The following NFIC variants were observed in gnomAD, a reference collection of about 807,000 sequenced individuals.
The protein encoded by NFIC is nuclear factor I C.
Under a neutral mutation model 54.4 loss-of-function variants are expected in NFIC, and 12 were observed. The ratio of observed to expected loss-of-function variants is 0.22; its 90% CI spans 0.14 to 0.36. The LOEUF is 0.36. Ranked by LOEUF, NFIC falls within the 10% of genes least tolerant of loss-of-function variation. The probability of loss-of-function intolerance (pLI) is 1.00; values close to 1 mark genes in which losing one functional copy is unlikely to be tolerated. For missense variants in NFIC, 575 were observed against 718.2 expected (o/e 0.80, Z 2.28); for synonymous variants, 322 against 319.2 (o/e 1.01, Z -0.09).
intron 2 of NFIC, among the ~76,000 whole-genome samples, chr19:3,395,285 G>A (rs561179662): frequency 6.6e-6 from 1 of 152,082 alleles, no homozygotes; most frequent in South Asian, 2.1e-4. Flanking sequence ...CTTCAATCCG[G>A]GAGGCAGAGG....
In NFIC at chr19:3,462,993, G is replaced by T. The variant is rs369618261; in HGVS notation, c.*224G>T. ...GAAGAAGAAATAAAAACCCACCCAA[G>T]CAAGAAGACAAAAGGTAAAGACGCA... On this transcript the variant is annotated 3_prime_UTR_variant, in exon 11 of 11. Transcript: ENST00000443272. 63 of 1,402,388 alleles carry T rather than the reference G, an allele frequency of 4.5e-5. No individual in the cohort carries two copies. Among genetic ancestry groups the T allele is most frequent in the Non-Finnish European group, 1.7e-5 (18 of 1,084,662 alleles). The allele number at this position is 1,402,388 out of a possible 1,614,324, so 86.9% of individuals were successfully genotyped here.
At chr19:3,407,566 C>G (rs2145558930) in intron 2 of NFIC, among the ~76,000 whole-genome samples, 1 of 152,244 alleles carries the variant, frequency 6.6e-6, no homozygotes. Context: ...TCCTGAGCAT[C>G]TGGGATTACA....
chr19:3,441,247 C>T (rs1246659052), intron 6 of NFIC, among the ~76,000 whole-genome samples: 2 of 152,256 alleles, frequency 1.3e-5, no homozygotes, highest in Non-Finnish European at 1.5e-5. Flanking sequence ...GTCACCCCAG[C>T]GGCAAGCGGG....
chr19:3,435,809 GTCTTTCTT>G (rs10567490), intron 6 of NFIC, among the ~76,000 whole-genome samples: 9,669 of 147,632 alleles, frequency 0.065, 432 homozygotes, highest in Non-Finnish European at 0.082. Context: ...TCTCTGGGGT[GTCTTTCTT>G]TCTTTCTTTC....
At chr19:3,395,924 G>A (rs1016699946) in intron 2 of NFIC, among the ~76,000 whole-genome samples, 9 of 151,976 alleles carry the variant, frequency 5.9e-5, no homozygotes, top group Non-Finnish European at 1.0e-4. Flanking sequence ...GGGTCCCAAA[G>A]TGCTGGGATG....
At chr19:3,360,898 T>C (rs896153531) in intron 1 of NFIC, among the ~76,000 whole-genome samples, 12 of 152,110 alleles carry the variant, frequency 7.9e-5, no homozygotes, top group Non-Finnish European at 1.6e-4. Context: ...CAGGGGACAG[T>C]TGGGTGCCGC....
At chr19:3,365,006 C>G (rs1171395849), upstream of NFIC, among the ~76,000 whole-genome samples, 1 of 152,146 alleles carries the variant, frequency 6.6e-6, no homozygotes, top group East Asian at 1.9e-4. Flanking sequence ...ATGGACCGTT[C>G]GTGATGTACT....
intron 2 of NFIC, among the ~76,000 whole-genome samples, chr19:3,412,854 C>T (rs1466664614): frequency 6.6e-6 from 1 of 152,168 alleles, no homozygotes; most frequent in African/African-American, 2.4e-5. Context: ...ATTTCTCTGG[C>T]CTGGCTGAGC....
At chr19:3,404,189 T>TG (rs1334286517) in intron 2 of NFIC, among the ~76,000 whole-genome samples, 1 of 144,014 alleles carries the variant, frequency 6.9e-6, no homozygotes, top group African/African-American at 2.6e-5. Context: ...GTGTTGGGGG[T>TG]GGGGGTGTGG....
intron 7 of NFIC, among the ~76,000 whole-genome samples, chr19:3,450,794 C>T (rs1327923876): frequency 1.3e-5 from 2 of 152,248 alleles, no homozygotes; most frequent in Non-Finnish European, 2.9e-5. Flanking sequence ...TTTACACAGT[C>T]ATGCACACAG....
chr19:3,413,307 C>T (rs2081795225), intron 2 of NFIC, among the ~76,000 whole-genome samples: 1 of 152,086 alleles, frequency 6.6e-6, no homozygotes, highest in South Asian at 2.1e-4. Flanking sequence ...TCATCCCAAA[C>T]CGCCAATGAG....
At chr19:3,456,486 C>A in intron 9 of NFIC, 64 bp from the exon 10 acceptor site, 1 of 1,504,848 alleles carries the variant, frequency 6.6e-7, no homozygotes, top group South Asian at 1.2e-5. Context: ...CTCTCTGGGG[C>A]CAGGGCCGCC....
intron 2 of NFIC, among the ~76,000 whole-genome samples, chr19:3,420,730 C>T (rs2081941191): frequency 6.9e-6 from 1 of 145,590 alleles, no homozygotes; most frequent in Admixed American, 6.9e-5. Context: ...CATTCATCAC[C>T]TTTTTTTTTT....
chr19:3,382,992 T>C (rs2081238059), intron 2 of NFIC, among the ~76,000 whole-genome samples: 1 of 150,052 alleles, frequency 6.7e-6, no homozygotes, highest in African/African-American at 2.5e-5. Context: ...AGAGGCAGGA[T>C]CTCACCCTCA....
Position 3,463,536 on chromosome 19 carries a change from G to A in NFIC, c.*767G>A, listed in dbSNP as rs2082671945. The A allele has an allele frequency of 2.0e-6, 2 of 984,224 alleles. No homozygotes were observed. Among genetic ancestry groups the A allele is most frequent in the African/African-American group, 1.8e-5 (1 of 56,844 alleles). The allele number at this position is 984,224 out of a possible 1,614,324, so 61.0% of individuals were successfully genotyped here. On this transcript the variant is annotated 3_prime_UTR_variant, in exon 11 of 11. Coordinates refer to ENST00000443272, the MANE Select transcript of NFIC (RefSeq NM_001245002.2). ...CCCCACAAGCCCCTCCCAAAGCGCC[G>A]GCCGACTCGCTGTCTCGCTGGGGAC...
intron 2 of NFIC, among the ~76,000 whole-genome samples, chr19:3,384,049 G>GT (rs72250156): frequency 0.014 from 1,917 of 132,752 alleles, 24 homozygotes; most frequent in East Asian, 0.042. Context: ...GTTACCCAGT[G>GT]TTTTTTTTTT....
rs751488718 is a variant in NFIC, at chr19:3,452,465, T to C, written c.1085-17T>C. On this transcript the variant is annotated splice_polypyrimidine_tract_variant and intron_variant, in intron 7 of 10. Transcript: ENST00000443272. This position sits in a 1 kb window ranked among gnomAD's most constrained non-coding sequence, Gnocchi z 5.3. Reference sequence around the variant, plus strand: ...CTGGAGCCCCCAAGTAACCCCCGCTTCCCACTGTCTCCGCAGGGATCGCCC... The same window carrying C: ...CTGGAGCCCCCAAGTAACCCCCGCTCCCCACTGTCTCCGCAGGGATCGCCC... 1 of 1,609,358 alleles carries C rather than the reference T, an allele frequency of 6.2e-7. No homozygotes were observed. Among genetic ancestry groups the C allele is most frequent in the Non-Finnish European group, 8.5e-7 (1 of 1,179,766 alleles).
chr19:3,393,244 C>T (rs907467936), intron 2 of NFIC, among the ~76,000 whole-genome samples: 1 of 152,120 alleles, frequency 6.6e-6, no homozygotes, highest in Non-Finnish European at 1.5e-5. Flanking sequence ...TCTTTAGGTC[C>T]GCTTGGCTGT....
At chr19:3,387,944 T>A (rs2081323283) in intron 2 of NFIC, among the ~76,000 whole-genome samples, 1 of 152,040 alleles carries the variant, frequency 6.6e-6, no homozygotes, top group African/African-American at 2.4e-5. Context: ...CCGCCCCCTC[T>A]GGCAGCCCAA....
Sources: allele counts gnomAD v4.1 joint callset (sites outside exome capture counted in the v4.1 genomes callset), GRCh38; gene constraint gnomAD v4.1.1; non-coding constraint Gnocchi (gnomAD v3.1); transcripts MANE v1.5; gene names NCBI Gene and HGNC (gene_info 2026-07-23, HGNC 2026-07-21).